Variants in DDX24 observed in about 807,000 individuals in gnomAD.
DDX24 encodes the protein DEAD-box helicase 24.
DDX24 carries 24 observed loss-of-function variants against 68.9 expected under a neutral mutation model. That is an observed-to-expected ratio of 0.35 (90% CI 0.25 to 0.49). The LOEUF (loss-of-function observed/expected upper bound fraction) is 0.49, where lower values mean the gene tolerates loss of function less well. DDX24 is among the 20% of genes least tolerant of loss of function. The probability of loss-of-function intolerance (pLI) is 0.99; values close to 1 mark genes in which losing one functional copy is unlikely to be tolerated. For synonymous variants in DDX24, 395 were observed against 385.2 expected, an observed-to-expected ratio of 1.03 and a Z score of -0.30; for missense variants, 989 against 1,039.0, an observed-to-expected ratio of 0.95 and a Z score of 0.66.
In DDX24 at chr14:94,079,429, T is replaced by G; in HGVS notation, c.314A>C (p.Lys105Thr). The G allele has an allele frequency of 2.5e-6, 4 of 1,614,064 alleles. No individual in the cohort carries two copies. Among genetic ancestry groups the G allele is most frequent in the Non-Finnish European group, 3.4e-6 (4 of 1,180,038 alleles). Reference sequence around the variant, plus strand: ...ACTGGTTCCTTCAGTTGCTACATTTTTACTTTTCTTCAACTTGATCTTTTT... The same window carrying G: ...ACTGGTTCCTTCAGTTGCTACATTTGTACTTTTCTTCAACTTGATCTTTTT... ...PKKKIKLKKSKNVATEGTSTQ... is the reference protein window; with the variant it reads ...PKKKIKLKKSTNVATEGTSTQ... Residue 105 changes from lysine to threonine, a missense_variant, in exon 2 of 9, where the codon AAA becomes ACA. Transcript: ENST00000621632.
At position 94,073,829 on chromosome 14, in the gene DDX24, G is replaced by A. The variant is rs577845759; in HGVS notation, c.718+5196C>T. ...GAGGCCGAGGCGAGCAGATCACGAGGTCAGGAAATTGAGACCATCCTGGTT... is the reference window on the plus strand; with the variant it reads ...GAGGCCGAGGCGAGCAGATCACGAGATCAGGAAATTGAGACCATCCTGGTT... On this transcript the variant is annotated intron_variant, in intron 2 of 8. Transcript: ENST00000621632. Among the ~76,000 whole-genome samples the A allele has an allele frequency of 7.9e-5, 12 of 152,086 alleles. No homozygotes were observed. The South Asian group carries it at 2.3e-3, about 29-fold the overall frequency.
At chr14:94,079,831 GC>G in intron 1 of DDX24, 84 bp from the exon 2 acceptor site, 1 of 1,268,802 alleles carries the variant, frequency 7.9e-7, no homozygotes, top group Non-Finnish European at 1.1e-6. Context: ...AAGCAACTAG[GC>G]CCTACAAAGA....
chr14:94,062,460 C>T lies in DDX24; in HGVS notation c.880G>A (p.Glu294Lys). 6.2e-7 allele frequency: 1 copy of T among 1,614,176 alleles called. No individual in the cohort carries two copies. The highest frequency in any genetic ancestry group is 2.2e-5 in the East Asian group (1 of 44,880). Residue 294 changes from glutamate (E) to lysine (K), a missense_variant, in exon 3 of 9, where the codon GAG (glutamate) becomes AAG (lysine). Around this residue, in one of 3 missense-constraint regions of DDX24, gnomAD observed 691 missense variants for 760.0 expected, o/e 0.91. Coordinates refer to ENST00000621632, the MANE Select transcript of DDX24 (RefSeq NM_020414.4). ...GTATCGTCAGGCAATGCATCAGACTCAGCTTCAGCCTTGCCTGGTGATCTA... is the reference window on the plus strand; with the variant it reads ...GTATCGTCAGGCAATGCATCAGACTTAGCTTCAGCCTTGCCTGGTGATCTA... ...ETRSPGKAEA[E>K]SDALPDDTVI...
At chr14:94,054,965 C>T in intron 7 of DDX24, 31 bp downstream of exon 7, 2 of 1,607,170 alleles carry the variant, frequency 1.2e-6, no homozygotes, top group Non-Finnish European at 1.7e-6. Context: ...ACAATCCCTT[C>T]ATTAGCACTG....
intron 2 of DDX24, among the ~76,000 whole-genome samples, chr14:94,073,243 G>A (rs113545495): frequency 1.2e-3 from 176 of 152,032 alleles, no homozygotes; most frequent in Non-Finnish European, 2.2e-3. Flanking sequence ...ATGCCACCAC[G>A]CCTGGCTATT....
Position 94,062,251 on chromosome 14 carries a change from T to C in DDX24, c.1089A>G (p.Lys363=), listed in dbSNP as rs373612678. 10 of 1,614,164 alleles carry C rather than the reference T, an allele frequency of 6.2e-6. No individual in the cohort carries two copies. In the African/African-American group the frequency reaches 9.3e-5, roughly 15 times the overall value. The part of the protein sequence containing the change: ...QNENEEENLD[K]EQTGNLKQEL... The stretch of plus-strand genomic sequence containing the variant: ...CCTGTTTTAGATTTCCAGTCTGCTC[T>C]TTATCAAGATTTTCCTCCTCATTCT... The change falls in exon 3 of 9, where the codon AAA becomes AAG. Residue 363 remains lysine, a synonymous_variant. Transcript: ENST00000621632.
rs373256834 is a variant in DDX24, at chr14:94,079,091, T to C, written c.652A>G (p.Ile218Val). 10 of 1,613,948 alleles carry C rather than the reference T, an allele frequency of 6.2e-6. No homozygotes were observed. Among genetic ancestry groups the C allele is most frequent in the African/African-American group, 5.3e-5 (4 of 74,890 alleles). Residue 218 changes from isoleucine (I) to valine (V), a missense_variant, in exon 2 of 9, where the codon ATC (isoleucine) becomes GTC (valine). Coordinates refer to ENST00000621632, the MANE Select transcript of DDX24 (RefSeq NM_020414.4). ...SFLGFSAPTP[I>V]QALTLAPAIR... is the part of the protein sequence containing the mutation. The stretch of plus-strand genomic sequence containing the variant: ...GCAGGTGCCAAGGTCAGGGCTTGGA[T>C]TGGTGTGGGTGCAGAGAAGCCTAGA...
Position 94,055,025 on chromosome 14 carries a change from C to G in DDX24, c.2149G>C (p.Val717Leu), listed in dbSNP as rs747489286. The G allele has an allele frequency of 1.2e-6, 2 of 1,614,114 alleles. No homozygotes were observed. Among genetic ancestry groups the G allele is most frequent in the Non-Finnish European group, 1.7e-6 (2 of 1,180,008 alleles). The change falls in exon 7 of 9, where the codon GTG (valine) becomes CTG (leucine). Residue 717 changes from valine to leucine, a missense_variant. Physicochemically the swap from Val to Leu is conservative, Grantham distance 32. Coordinates refer to ENST00000621632, the MANE Select transcript of DDX24 (RefSeq NM_020414.4). The part of the protein sequence containing the change: ...KKDEDIPLFP[V>L]QTKYMDVVKE... ...ACCACATCCATGTATTTTGTCTGCA[C>G]GGGGAACAGTGGGATATCCTCATCT...
At position 94,051,132 on chromosome 14, in the gene DDX24, G is replaced by C; in HGVS notation, c.*59C>G. Reference sequence around the variant, plus strand: ...TGGAGTGAAACACAAGGGTGGGAGAGGTTTTGCAAATAGCCAGAGAACAGA... The same window carrying C: ...TGGAGTGAAACACAAGGGTGGGAGACGTTTTGCAAATAGCCAGAGAACAGA... On this transcript the variant is annotated 3_prime_UTR_variant, in exon 9 of 9. Coordinates refer to ENST00000621632, the MANE Select transcript of DDX24 (RefSeq NM_020414.4). 6.8e-7 allele frequency: 1 copy of C among 1,478,354 alleles called. No individual in the cohort carries two copies. The highest frequency in any genetic ancestry group is 9.0e-7 in the Non-Finnish European group (1 of 1,115,980). The allele number at this position is 1,478,354 out of a possible 1,614,324, so 91.6% of individuals were successfully genotyped here. A position where few individuals can be genotyped will look rare whatever the true frequency, so the allele number is the denominator to read the frequency against.
intron 7 of DDX24, 77 bp downstream of exon 7, chr14:94,054,919 A>G: frequency 2.7e-6 from 4 of 1,494,764 alleles, no homozygotes; most frequent in South Asian, 1.2e-5. Flanking sequence ...TTATGCTGCC[A>G]GAGTCCCACA....
At chr14:94,074,189 A>G (rs1885890148) in intron 2 of DDX24, among the ~76,000 whole-genome samples, 1 of 152,204 alleles carries the variant, frequency 6.6e-6, no homozygotes, top group South Asian at 2.1e-4. Flanking sequence ...TAAAATGTCA[A>G]TCCTGTATAA....
intron 2 of DDX24, among the ~76,000 whole-genome samples, chr14:94,073,251 A>AT (rs1333476795): frequency 1.1e-4 from 16 of 151,802 alleles, no homozygotes; most frequent in Admixed American, 2.0e-4. Context: ...ACGCCTGGCT[A>AT]TTTTTTTGTA....
Position 94,079,552 on chromosome 14 carries a change from T to G in DDX24, c.191A>C (p.Asn64Thr). 1 of 1,614,178 alleles carries G rather than the reference T, an allele frequency of 6.2e-7. No individual in the cohort carries two copies. Among genetic ancestry groups the G allele is most frequent in the South Asian group, 1.1e-5 (1 of 91,082 alleles). Reference protein sequence around the residue: ...TDYQLVSPAKNPSSLFSKEAP... With the variant: ...TDYQLVSPAKTPSSLFSKEAP... ...TTCCTTTGAGAAGAGACTGGAGGGA[T>G]TCTTGGCAGGGGAGACCAACTGGTA... The change falls in exon 2 of 9, where the codon AAT (asparagine) becomes ACT (threonine). Residue 64 changes from asparagine to threonine, a missense_variant. Coordinates refer to ENST00000621632, the MANE Select transcript of DDX24 (RefSeq NM_020414.4).
rs1169127390 is a variant in DDX24, at chr14:94,062,079, A to G, written c.1243+18T>C. 1 of 1,574,948 alleles carries G rather than the reference A, an allele frequency of 6.3e-7. No individual in the cohort carries two copies. Among genetic ancestry groups the G allele is most frequent in the Admixed American group, 1.9e-5 (1 of 52,724 alleles). On this transcript the variant is annotated intron_variant, in intron 3 of 8. Coordinates refer to ENST00000621632, the MANE Select transcript of DDX24 (RefSeq NM_020414.4). The stretch of plus-strand genomic sequence containing the variant: ...GGATTTACCTAGAAAATATTTATTA[A>G]ATGGAACTAAACCTCACCTGTAAAC...
chr14:94,075,168 A>C (rs928569195), intron 2 of DDX24, among the ~76,000 whole-genome samples: 2 of 152,212 alleles, frequency 1.3e-5, no homozygotes, highest in Non-Finnish European at 2.9e-5. Flanking sequence ...TCTAAAATCC[A>C]TATGGAAGGG....
At chr14:94,080,989 C>T (rs1886076531) in intron 1 of DDX24, 130 bp downstream of exon 1, 1 of 152,258 alleles carries the variant, frequency 6.6e-6, no homozygotes, top group Non-Finnish European at 1.5e-5. Flanking sequence ...GGTTGGACGG[C>T]TTGGGCCGGC....
intron 2 of DDX24, among the ~76,000 whole-genome samples, chr14:94,069,672 T>C (rs1885788538): frequency 6.6e-6 from 1 of 152,030 alleles, no homozygotes; most frequent in Non-Finnish European, 1.5e-5. Context: ...CATGATCAAG[T>C]GGGTTTCATG....
chr14:94,053,326 A>T, intron 7 of DDX24, 199 bp from the exon 8 acceptor site: 2 of 383,530 alleles, frequency 5.2e-6, no homozygotes, highest in Non-Finnish European at 4.6e-6. Flanking sequence ...CCTCCCAAGC[A>T]GCTGGGAGGC....
At position 94,051,408 on chromosome 14, in the gene DDX24, A is replaced by G; in HGVS notation, c.2363T>C (p.Leu788Pro). Residue 788 changes from leucine to proline, a missense_variant, in exon 9 of 9, where the codon CTG becomes CCG. By Grantham distance (98) the Leu-to-Pro change is moderately conservative. Transcript: ENST00000621632. ...ERRRQKQMKV[L>P]KKELRHLLSQ... The stretch of plus-strand genomic sequence containing the variant: ...CAGCAGGTGGCGCAGCTCCTTCTTC[A>G]GAACCTTCATCTGCTTTTGTCTCCG... The G allele has an allele frequency of 6.2e-7, 1 of 1,600,044 alleles. No individual in the cohort carries two copies. The highest frequency in any genetic ancestry group is 1.8e-5 in the Admixed American group (1 of 56,610).
Sources: gnomAD v4.1 joint callset for allele counts (sites outside exome capture counted in the v4.1 genomes callset) on GRCh38, gnomAD v4.1.1 for gene constraint, gnomAD v4.1.1 regional missense constraint, MANE v1.5 for transcripts, NCBI Gene and HGNC (gene_info 2026-07-23, HGNC 2026-07-21) for gene names.